OR2T11: variants seen among roughly 807,000 people sequenced by gnomAD.
OR2T11 encodes the protein olfactory receptor 2T11.
In OR2T11, 14 loss-of-function variants were observed where a neutral mutation model predicts 13.5. The ratio of observed to expected loss-of-function variants is 1.04; its 90% confidence interval spans 0.69 to 1.62. The LOEUF (loss-of-function observed/expected upper bound fraction) is 1.62. OR2T11 is among the 40% of genes most tolerant of loss of function. OR2T11 has a pLI of 0.00. For missense variants in OR2T11, 410 were observed against 389.7 expected, an observed-to-expected ratio of 1.05 and a Z score of -0.44; for synonymous variants, 163 against 154.6, an observed-to-expected ratio of 1.05 and a Z score of -0.40.
rs761977226 is a variant in OR2T11, at chr1:248,623,976, C to T, written c.*2202G>A. 24 of 141,636 alleles carry T rather than the reference C, an allele frequency of 1.7e-4. 4 individuals carry two copies. Among genetic ancestry groups the T allele is most frequent in the South Asian group, 4.5e-4 (2 of 4,426 alleles). The allele number at this position is 141,636 out of a possible 1,614,324, so 8.8% of individuals were successfully genotyped here. ...GACCACCCTGATCTTTACTCATAGA[C>T]GCTCTCATTGATTCTAACTGCACCG... On this transcript the variant is annotated 3_prime_UTR_variant, in exon 2 of 2. Transcript: ENST00000641193.
rs1660516811 is a variant in OR2T11, at chr1:248,626,296, A to G, written c.833T>C (p.Val278Ala). Residue 278 changes from valine to alanine, a missense_variant, in exon 2 of 2, where the codon GTC becomes GCC. By Grantham distance (64) the Val-to-Ala change is moderately conservative. Transcript: ENST00000641193. ...GATGAGAGGATTAAGCATGGGCGTG[A>G]CAATGGTATAGAAGGCTGACACTAC... is the stretch of plus-strand genomic sequence containing the variant. The part of the protein sequence containing the change: ...DKVVSAFYTI[V>A]TPMLNPLIYS... 1.9e-6 allele frequency: 3 copies of G among 1,568,804 alleles called. No individual in the cohort carries two copies. In the South Asian group the frequency reaches 3.4e-5, roughly 18 times the overall value.
At chr1:248,630,656 G>C (rs1351965935) in intron 1 of OR2T11, among the ~76,000 whole-genome samples, 1 of 144,006 alleles carries the variant, frequency 6.9e-6, no homozygotes, top group Non-Finnish European at 1.5e-5. Context: ...TCTATGATCA[G>C]AATTGTCTTC....
At chr1:248,629,924 CTT>C (rs1660580983) in intron 1 of OR2T11, among the ~76,000 whole-genome samples, 1 of 141,996 alleles carries the variant, frequency 7.0e-6, no homozygotes, top group South Asian at 2.2e-4. Flanking sequence ...TTTTTCTTCA[CTT>C]TTCTTAACAC....
At chr1:248,631,535 T>C (rs1263265525) in intron 1 of OR2T11, among the ~76,000 whole-genome samples, 1 of 143,106 alleles carries the variant, frequency 7.0e-6, no homozygotes. Flanking sequence ...CACTTCCGTT[T>C]ACAACCAGCC....
Position 248,630,176 on chromosome 1 carries a change from G to A in OR2T11, c.-144-2904C>T, listed in dbSNP as rs150540849. Among the ~76,000 whole-genome samples the A allele has an allele frequency of 5.4e-3, 769 of 142,702 alleles. 147 individuals are homozygous for A. The highest frequency in any genetic ancestry group is 0.019 in the African/African-American group (690 of 36,262). The allele number at this position is 142,702 out of a possible 152,430, so 93.6% of individuals were successfully genotyped here. On this transcript the variant is annotated intron_variant, in intron 1 of 1. Transcript: ENST00000641193. ...AAAACACCTCCTGATTTTATATAAT[G>A]TGCTGAAGAGAAATAATTTTTTTTA... is the stretch of plus-strand genomic sequence containing the variant.
rs150548690 is a variant in OR2T11 at position 248,626,725 on chromosome 1, C to T, written c.404G>A (p.Arg135His). 84 of 1,573,092 alleles carry T rather than the reference C, an allele frequency of 5.3e-5. 9 individuals are homozygous for T. Among genetic ancestry groups the T allele is most frequent in the East Asian group, 3.0e-4 (13 of 43,658 alleles). Residue 135 changes from arginine to histidine, a missense_variant, in exon 2 of 2, where the codon CGC becomes CAC. By Grantham distance (29) the Arg-to-His change is conservative. Coordinates refer to ENST00000641193, the MANE Select transcript of OR2T11 (RefSeq NM_001001964.2). ...NPLRYPVLMN[R>H]KKCLLLAAGA... ...AGCAGCCAGCAAAAGACACTTCTTG[C>T]GGTTCATCAGGACTGGGTATCTCAG...
At chr1:248,629,448 T>C (rs1334040712) in intron 1 of OR2T11, among the ~76,000 whole-genome samples, 1 of 141,024 alleles carries the variant, frequency 7.1e-6, no homozygotes, top group Non-Finnish European at 1.5e-5. Context: ...ACCTATAATA[T>C]TTCTCATGTC....
intron 1 of OR2T11, among the ~76,000 whole-genome samples, chr1:248,633,559 T>TAC (rs1660642529): frequency 7.2e-6 from 1 of 139,738 alleles, no homozygotes; most frequent in East Asian, 2.1e-4. Context: ...CCCCAGTTTA[T>TAC]ACAGGGAGAC....
intron 1 of OR2T11, among the ~76,000 whole-genome samples, chr1:248,628,019 A>G (rs1420821380): frequency 7.0e-6 from 1 of 143,644 alleles, no homozygotes; most frequent in African/African-American, 2.7e-5. Context: ...ATTGCTCTCC[A>G]TTGCTACTGT....
In OR2T11 at chr1:248,626,762, C is replaced by G. The variant is rs1405098882; in HGVS notation, c.367G>C (p.Val123Leu). 5 of 1,572,050 alleles carry G rather than the reference C, an allele frequency of 3.2e-6. 1 individual carries two copies. The highest frequency in any genetic ancestry group is 2.2e-5 in the South Asian group (2 of 88,892). ...GLMAYDCYVA[V>L]CNPLRYPVLM... ...ACTGGGTATCTCAGAGGGTTACAGA[C>G]AGCCACGTAGCAGTCATAGGCCATG... The change falls in exon 2 of 2, where the codon GTC (valine) becomes CTC (leucine). Residue 123 changes from valine (V) to leucine (L), a missense_variant. By Grantham distance (32) the Val-to-Leu change is conservative. Transcript: ENST00000641193.
chr1:248,626,060 G>A lies in OR2T11; in HGVS notation c.*118C>T. The A allele has an allele frequency of 3.2e-6, 2 of 615,556 alleles. No homozygotes were observed. Among genetic ancestry groups the A allele is most frequent in the Non-Finnish European group, 5.8e-6 (2 of 347,220 alleles). The allele number at this position is 615,556 out of a possible 1,614,324, so 38.1% of individuals were successfully genotyped here. A position where few individuals can be genotyped will look rare whatever the true frequency, so the allele number is the denominator to read the frequency against. ...CCCGAGGAGCAAGAATCCAGACAGGGTGAATCATCTTAACTGCCAGTAGTA... is the reference window on the plus strand; with the variant it reads ...CCCGAGGAGCAAGAATCCAGACAGGATGAATCATCTTAACTGCCAGTAGTA... On this transcript the variant is annotated 3_prime_UTR_variant, in exon 2 of 2. Coordinates refer to ENST00000641193, the MANE Select transcript of OR2T11 (RefSeq NM_001001964.2).
Position 248,628,437 on chromosome 1 carries a change from C to G in OR2T11, c.-144-1165G>C, listed in dbSNP as rs2103102092. On this transcript the variant is annotated intron_variant, in intron 1 of 1. Transcript: ENST00000641193. ...GCCCGGATGCTGCAGGGTTTCCCCC[C>G]ATTCACATGTTGCTAGACACACCTT... Among the ~76,000 whole-genome samples, 2 of 140,184 alleles carry G rather than the reference C, an allele frequency of 1.4e-5. 1 individual carries two copies. The highest frequency in any genetic ancestry group is 5.7e-5 in the African/African-American group (2 of 35,002). 92.0% of individuals were successfully genotyped at this position (140,184 alleles called of 152,430 possible).
Position 248,627,131 on chromosome 1 carries a change from A to T in OR2T11, c.-3T>A. The T allele has an allele frequency of 1.3e-6, 2 of 1,494,476 alleles. No individual in the cohort carries two copies. Among genetic ancestry groups the T allele is most frequent in the Non-Finnish European group, 9.2e-7 (1 of 1,089,478 alleles). The allele number at this position is 1,494,476 out of a possible 1,614,324, so 92.6% of individuals were successfully genotyped here. On this transcript the variant is annotated 5_prime_UTR_variant, in exon 2 of 2. Coordinates refer to ENST00000641193, the MANE Select transcript of OR2T11 (RefSeq NM_001001964.2). Reference sequence around the variant, plus strand: ...TCAGAGGATGATGTGTTCGTCATTGATATGGCCCACGAGCGTCCCAGGGCA... The same window carrying T: ...TCAGAGGATGATGTGTTCGTCATTGTTATGGCCCACGAGCGTCCCAGGGCA...
rs1378517595 is a variant in OR2T11, at chr1:248,626,723, T to C, written c.406A>G (p.Lys136Glu). ...CCAGCAGCCAGCAAAAGACACTTCT[T>C]GCGGTTCATCAGGACTGGGTATCTC... ...PLRYPVLMNR[K>E]KCLLLAAGAW... is the part of the protein sequence containing the mutation. The change falls in exon 2 of 2, where the codon AAG (lysine) becomes GAG (glutamate). Residue 136 changes from lysine (K) to glutamate (E), a missense_variant. Transcript: ENST00000641193. The C allele has an allele frequency of 1.9e-6, 3 of 1,573,180 alleles. 1 individual carries two copies. The highest frequency in any genetic ancestry group is 8.6e-7 in the Non-Finnish European group (1 of 1,156,970).
chr1:248,629,417 CTTAT>C (rs148351272), intron 1 of OR2T11, among the ~76,000 whole-genome samples: 120,649 of 139,118 alleles, frequency 0.87, 57,006 homozygotes, highest in East Asian at 1. Flanking sequence ...ATAAGTAAAA[CTTAT>C]TTATTAACAA....
rs1208513479 is a variant in OR2T11 at position 248,631,331 on chromosome 1, G to A, written c.-145+3707C>T. Reference sequence around the variant, plus strand: ...TGGGTCTCAGGCACCGTGGACGTGTGCCAACGTTTCCACGTGCTCTTCACA... The same window carrying A: ...TGGGTCTCAGGCACCGTGGACGTGTACCAACGTTTCCACGTGCTCTTCACA... On this transcript the variant is annotated intron_variant, in intron 1 of 1. Coordinates refer to ENST00000641193, the MANE Select transcript of OR2T11 (RefSeq NM_001001964.2). Among the ~76,000 whole-genome samples, 8 of 143,712 alleles carry A rather than the reference G, an allele frequency of 5.6e-5. 1 individual carries two copies. Among genetic ancestry groups the A allele is most frequent in the African/African-American group, 2.2e-4 (8 of 36,552 alleles). 94.3% of individuals were successfully genotyped at this position (143,712 alleles called of 152,430 possible).
In OR2T11 at chr1:248,626,412, G is replaced by A. The variant is rs766722457; in HGVS notation, c.717C>T (p.Ser239=). ...AGATGCTAACTACAGTCAAGTGGGAGGAACAAGTGGTGAAGGCCTTTTTGC... is the reference window on the plus strand; with the variant it reads ...AGATGCTAACTACAGTCAAGTGGGAAGAACAAGTGGTGAAGGCCTTTTTGC... The part of the protein sequence containing the change: ...EGRKKAFTTC[S]SHLTVVSIFY... The change falls in exon 2 of 2, where the codon TCC becomes TCT. Residue 239 remains serine (S), a synonymous_variant. Transcript: ENST00000641193. 7.0e-6 allele frequency: 11 copies of A among 1,571,914 alleles called. 1 individual carries two copies. In the Admixed American group the frequency reaches 1.7e-4, roughly 24 times the overall value.
Position 248,633,993 on chromosome 1 carries a change from G to GTT in OR2T11, c.-145+1043_-145+1044dup, listed in dbSNP as rs66647384. Reference sequence around the variant, plus strand: ...GAAATAATTTAAGTAGTTTTTTGGTGTTTTTTTTTTTGCTTCTAGCATCAC... The same window carrying GTT: ...GAAATAATTTAAGTAGTTTTTTGGTGTTTTTTTTTTTTTGCTTCTAGCATCAC... On this transcript the variant is annotated intron_variant, in intron 1 of 1. Transcript: ENST00000641193. Among the ~76,000 whole-genome samples, 1,300 of 132,944 alleles carry GTT rather than the reference G, an allele frequency of 9.8e-3. 135 individuals are homozygous for GTT. The highest frequency in any genetic ancestry group is 0.014 in the Non-Finnish European group (879 of 63,562). 87.2% of individuals were successfully genotyped at this position (132,944 alleles called of 152,430 possible).
intron 1 of OR2T11, among the ~76,000 whole-genome samples, chr1:248,634,206 T>C (rs1238503574): frequency 3.0e-5 from 4 of 135,138 alleles, no homozygotes; most frequent in Non-Finnish European, 6.3e-5. Context: ...GCAAATTCTA[T>C]GTTAGGAAAA....
Sources: allele counts gnomAD v4.1 joint callset (sites outside exome capture counted in the v4.1 genomes callset), GRCh38; gene constraint gnomAD v4.1.1; transcripts MANE v1.5; gene names NCBI Gene and HGNC (gene_info 2026-07-23, HGNC 2026-07-21).